FGF12: variants seen among roughly 807,000 people sequenced by gnomAD.
The protein encoded by FGF12 is fibroblast growth factor 12B.
Under a neutral mutation model 23.6 loss-of-function variants are expected in FGF12, and 14 were observed. The observed-to-expected ratio is 0.59, with a 90% confidence interval of 0.39 to 0.93. The LOEUF (loss-of-function observed/expected upper bound fraction) is 0.93, where lower values mean the gene tolerates loss of function less well. FGF12 is among the 40% of genes least tolerant of loss of function. The probability of loss-of-function intolerance (pLI) is 0.00; values close to 1 mark genes in which losing one functional copy is unlikely to be tolerated. For synonymous variants in FGF12, 62 were observed against 77.3 expected, an observed-to-expected ratio of 0.80 and a Z score of 1.04; for missense variants, 175 against 217.8, an observed-to-expected ratio of 0.80 and a Z score of 1.24.
chr3:192,505,066 G>A (rs768314487), intron 2 of FGF12, among the ~76,000 whole-genome samples: 1 of 152,040 alleles, frequency 6.6e-6, no homozygotes, highest in African/African-American at 2.4e-5. Flanking sequence ...AGACTGGTAC[G>A]TATGGTACAG....
intron 2 of FGF12, among the ~76,000 whole-genome samples, chr3:192,609,388 T>A (rs1714465305): frequency 1.3e-5 from 2 of 152,124 alleles, no homozygotes; most frequent in Non-Finnish European, 2.9e-5. Context: ...TTGTTGGTTC[T>A]TATAGTGCTG....
chr3:192,378,094 C>CTTTCTTTCT (rs1354979179), intron 2 of FGF12, among the ~76,000 whole-genome samples: 6 of 67,150 alleles, frequency 8.9e-5, no homozygotes, highest in Non-Finnish European at 1.5e-4. Context: ...TTCTTTCTTT[C>CTTTCTTTCT]TTCTTTCTTT....
chr3:192,601,982 AG>A (rs2108631919), intron 2 of FGF12, among the ~76,000 whole-genome samples: 1 of 152,220 alleles, frequency 6.6e-6, no homozygotes, highest in East Asian at 1.9e-4. Context: ...ATGAATATGG[AG>A]GGCTGACTGT....
At chr3:192,168,826 C>T (rs1327180234) in intron 5 of FGF12, among the ~76,000 whole-genome samples, 1 of 152,134 alleles carries the variant, frequency 6.6e-6, no homozygotes, top group Non-Finnish European at 1.5e-5. Flanking sequence ...GACAGAGTGG[C>T]ATTGGGCAAA....
chr3:192,308,954 C>T (rs1176282388), intron 4 of FGF12, among the ~76,000 whole-genome samples: 1 of 152,088 alleles, frequency 6.6e-6, no homozygotes, highest in Non-Finnish European at 1.5e-5. Flanking sequence ...TAAGTACAAA[C>T]ATGTTTTGTA....
intron 2 of FGF12, among the ~76,000 whole-genome samples, chr3:192,558,039 T>C (rs1054365563): frequency 1.3e-5 from 2 of 151,886 alleles, no homozygotes; most frequent in African/African-American, 4.8e-5. Context: ...TCACCACTTC[T>C]ATTTAACTGA....
intron 2 of FGF12, among the ~76,000 whole-genome samples, chr3:192,489,672 C>A (rs1723741776): frequency 6.6e-6 from 1 of 152,004 alleles, no homozygotes; most frequent in African/African-American, 2.4e-5. Flanking sequence ...CTCTGCCACC[C>A]TTTTGCTGCT....
At chr3:192,227,592 A>AG (rs1219266598) in intron 4 of FGF12, among the ~76,000 whole-genome samples, 4 of 151,396 alleles carry the variant, frequency 2.6e-5, no homozygotes, top group Non-Finnish European at 5.9e-5. Flanking sequence ...AAAAAAAAAA[A>AG]AAAAAAGAAA....
intron 2 of FGF12, among the ~76,000 whole-genome samples, chr3:192,597,295 C>T (rs1256425145): frequency 1.3e-5 from 2 of 152,098 alleles, no homozygotes; most frequent in South Asian, 4.1e-4. Flanking sequence ...ATCGTTCACG[C>T]ACCAAACCAC....
chr3:192,611,784 T>C (rs1270497605), intron 2 of FGF12, among the ~76,000 whole-genome samples: 1 of 152,046 alleles, frequency 6.6e-6, no homozygotes, highest in Non-Finnish European at 1.5e-5. Context: ...TAATGCTGTC[T>C]AGTCAGAGCT....
intron 2 of FGF12, among the ~76,000 whole-genome samples, chr3:192,397,659 C>T (rs948472588): frequency 2.6e-5 from 4 of 152,114 alleles, no homozygotes; most frequent in Admixed American, 6.6e-5. Flanking sequence ...TTTTCTGTTG[C>T]GGCCTCTGTG....
chr3:192,711,892 C>G (rs1577135875), intron 2 of FGF12, among the ~76,000 whole-genome samples: 1 of 149,182 alleles, frequency 6.7e-6, no homozygotes, highest in South Asian at 2.1e-4. Flanking sequence ...CCACTATTGT[C>G]CTATGACCCT....
chr3:192,178,534 T>C (rs1715987956), intron 4 of FGF12, among the ~76,000 whole-genome samples: 1 of 152,180 alleles, frequency 6.6e-6, no homozygotes, highest in Non-Finnish European at 1.5e-5. Context: ...AGTCTCGCTC[T>C]GTCACCCAGG....
intron 2 of FGF12, among the ~76,000 whole-genome samples, chr3:192,653,488 A>G (rs1266028368): frequency 6.6e-6 from 1 of 152,112 alleles, no homozygotes; most frequent in Non-Finnish European, 1.5e-5. Flanking sequence ...ACTAGATATG[A>G]TCTCCTTTTA....
intron 2 of FGF12, among the ~76,000 whole-genome samples, chr3:192,603,582 G>T (rs1714208972): frequency 6.6e-6 from 1 of 152,092 alleles, no homozygotes; most frequent in Non-Finnish European, 1.5e-5. Context: ...ACAGCTGGGG[G>T]TGCTGGGGGT....
intron 2 of FGF12, among the ~76,000 whole-genome samples, chr3:192,551,993 A>G (rs1026719310): frequency 6.6e-6 from 1 of 152,108 alleles, no homozygotes; most frequent in Non-Finnish European, 1.5e-5. Context: ...AGAGATATAT[A>G]TGTAGAGATA....
chr3:192,703,635 C>T (rs969772448), intron 2 of FGF12, among the ~76,000 whole-genome samples: 1 of 152,216 alleles, frequency 6.6e-6, no homozygotes, highest in African/African-American at 2.4e-5. Context: ...AGTAAATCCT[C>T]TCAAACCCTG....
chr3:192,417,654 C>G (rs1401713803), intron 2 of FGF12, among the ~76,000 whole-genome samples: 1 of 152,052 alleles, frequency 6.6e-6, no homozygotes, highest in Non-Finnish European at 1.5e-5. Flanking sequence ...GCTATTAAAA[C>G]AAGAAATAAA....
intron 2 of FGF12, among the ~76,000 whole-genome samples, chr3:192,464,282 AC>A (rs1722944159): frequency 6.6e-6 from 1 of 150,630 alleles, no homozygotes; most frequent in Non-Finnish European, 1.5e-5. Flanking sequence ...TGTATCCCTC[AC>A]CCCCCTCCCA....
Sources: gnomAD v4.1 joint callset for allele counts (sites outside exome capture counted in the v4.1 genomes callset) on GRCh38, gnomAD v4.1.1 for gene constraint, MANE v1.5 for transcripts, NCBI Gene and HGNC (gene_info 2026-07-23, HGNC 2026-07-21) for gene names.